The following RTEL1 variants were observed in gnomAD, a reference collection of about 807,000 sequenced individuals.
RTEL1 encodes the protein regulator of telomere length.
Under a neutral mutation model 162.2 loss-of-function variants are expected in RTEL1, and 86 were observed. That is an observed-to-expected ratio of 0.53 (90% CI 0.45 to 0.63). RTEL1 has a LOEUF of 0.63. Among genes scored for constraint, RTEL1 ranks in the 30% least tolerant of loss-of-function variants. The pLI is 0.00. For synonymous variants in RTEL1, 958 were observed against 717.9 expected (o/e 1.33, Z -5.35); for missense variants, 1,941 against 1,750.2 (o/e 1.11, Z -1.95).
intron 4 of RTEL1, 199 bp from the exon 5 acceptor site, chr20:63,662,347 A>G (rs2146152585): frequency 9.9e-7 from 1 of 1,013,020 alleles, no homozygotes. Flanking sequence ...GGTGCTGTGG[A>G]AGCTGTCGAA....
chr20:63,669,587 C>T (rs6011014), intron 8 of RTEL1, among the ~76,000 whole-genome samples: 15,452 of 149,642 alleles, frequency 0.1, 1,048 homozygotes, highest in African/African-American at 0.19. Flanking sequence ...TAAAATTCTC[C>T]CATAACTAAG....
chr20:63,661,764 C>T lies in RTEL1; in HGVS notation c.302-86C>T. On this transcript the variant is annotated intron_variant, in intron 3 of 34. Coordinates refer to ENST00000360203, the MANE Select transcript of RTEL1 (RefSeq NM_001283009.2). The surrounding 1 kb of genome is among the most constrained non-coding windows in gnomAD (Gnocchi z 5.1). The stretch of plus-strand genomic sequence containing the variant: ...GTCAGATTCTTGGCTGTCTGCAGGG[C>T]CGAGTTAGCCGAATGCCACCTGCCT... 2 of 1,216,420 alleles carry T rather than the reference C, an allele frequency of 1.6e-6. No homozygotes were observed. The highest frequency in any genetic ancestry group is 2.3e-5 in the East Asian group (1 of 42,560). The allele number at this position is 1,216,420 out of a possible 1,614,324, so 75.4% of individuals were successfully genotyped here.
chr20:63,664,530 G>T (rs1463336759), intron 6 of RTEL1, among the ~76,000 whole-genome samples: 1 of 152,142 alleles, frequency 6.6e-6, no homozygotes, highest in Non-Finnish European at 1.5e-5. Flanking sequence ...TGGGTATTGG[G>T]GCCCCCATCT....
In RTEL1 at chr20:63,695,882, A is replaced by C. The variant is rs1601202003; in HGVS notation, c.*24A>C. On this transcript the variant is annotated 3_prime_UTR_variant, in exon 35 of 35. Coordinates refer to ENST00000360203, the MANE Select transcript of RTEL1 (RefSeq NM_001283009.2). Reference sequence around the variant, plus strand: ...GAGTGCCCACGGAGGCCCCCAGCACACCCAACGTGGCTTGATCACCTGCCT... The same window carrying C: ...GAGTGCCCACGGAGGCCCCCAGCACCCCCAACGTGGCTTGATCACCTGCCT... 1 of 1,557,754 alleles carries C rather than the reference A, an allele frequency of 6.4e-7. No homozygotes were observed. Among genetic ancestry groups the C allele is most frequent in the Non-Finnish European group, 8.7e-7 (1 of 1,151,894 alleles).
chr20:63,688,644 C>T (rs374179444), intron 21 of RTEL1, 39 bp downstream of exon 21: 277 of 1,560,196 alleles, frequency 1.8e-4, no homozygotes, highest in Non-Finnish European at 2.3e-4. Context: ...GCTGCCCCCT[C>T]GTGCCTCCCC....
chr20:63,696,040 C>T lies in RTEL1; in HGVS notation c.*182C>T, dbSNP rs898874702. 1 of 619,452 alleles carries T rather than the reference C, an allele frequency of 1.6e-6. No individual in the cohort carries two copies. The allele number at this position is 619,452 out of a possible 1,614,324, so 38.4% of individuals were successfully genotyped here. ...GCGGTGGGACCGGATCTGGGCCTGC[C>T]TCTGAGAAGCCCTGAGCTACCTTGG... On this transcript the variant is annotated 3_prime_UTR_variant, in exon 35 of 35. Coordinates refer to ENST00000360203, the MANE Select transcript of RTEL1 (RefSeq NM_001283009.2).
At chr20:63,693,355 T>G in intron 30 of RTEL1, 72 bp downstream of exon 30, 8 of 1,579,604 alleles carry the variant, frequency 5.1e-6, no homozygotes, top group Admixed American at 3.4e-5. Flanking sequence ...CCTGGGCTGC[T>G]TGGGGTGGGC....
In RTEL1 at chr20:63,678,226, T is replaced by G. The variant is rs369490459; in HGVS notation, c.959-42T>G. 67 of 1,612,748 alleles carry G rather than the reference T, an allele frequency of 4.2e-5. No individual in the cohort carries two copies. In the African/African-American group the frequency reaches 4.7e-4, roughly 11 times the overall value. On this transcript the variant is annotated intron_variant, in intron 11 of 34. Coordinates refer to ENST00000360203, the MANE Select transcript of RTEL1 (RefSeq NM_001283009.2). ...CGCCTCCTTGCAGCTGGGTGGGGCC[T>G]CCTCCTTGCGAGGAGGTGGGTGACA...
At position 63,673,934 on chromosome 20, in the gene RTEL1, C is replaced by A; in HGVS notation, c.766-6C>A. The A allele has an allele frequency of 6.2e-7, 1 of 1,607,526 alleles. No homozygotes were observed. Among genetic ancestry groups the A allele is most frequent in the Non-Finnish European group, 8.5e-7 (1 of 1,175,816 alleles). ...CTGTGGTGATTCGGGTGTGCTTGGG[C>A]TCTAGGAGAAGATGTGTGAAGAATC... On this transcript the variant is annotated splice_region_variant and splice_polypyrimidine_tract_variant and intron_variant, in intron 9 of 34. Transcript: ENST00000360203.
chr20:63,684,967 T>A (rs1429155625), intron 14 of RTEL1, among the ~76,000 whole-genome samples: 1 of 151,384 alleles, frequency 6.6e-6, no homozygotes, highest in Non-Finnish European at 1.5e-5. Flanking sequence ...AGCCTCAACC[T>A]CCTGGGCTCA....
At position 63,695,984 on chromosome 20, in the gene RTEL1, C is replaced by T. The variant is rs1189640709; in HGVS notation, c.*126C>T. 3 of 948,508 alleles carry T rather than the reference C, an allele frequency of 3.2e-6. No homozygotes were observed. Among genetic ancestry groups the T allele is most frequent in the East Asian group, 2.6e-5 (1 of 37,776 alleles). 58.8% of individuals were successfully genotyped at this position (948,508 alleles called of 1,614,324 possible). On this transcript the variant is annotated 3_prime_UTR_variant, in exon 35 of 35. Transcript: ENST00000360203. ...CCAGCCGGCTTGGCCCGCTGCAGGC[C>T]TCAGGCAGGCGGGGCCCATGGTTGG... is the stretch of plus-strand genomic sequence containing the variant.
chr20:63,668,305 C>A lies in RTEL1; in HGVS notation c.699+752C>A, dbSNP rs1393851576. ...GATGGCGTGGTGACGTTTCCAGATC[C>A]CGTCGTTGGTTCGCTCATTCTCGGG... On this transcript the variant is annotated intron_variant, in intron 8 of 34. Transcript: ENST00000360203. The surrounding 1 kb of genome is among the most constrained non-coding windows in gnomAD (Gnocchi z 4.3). 6.6e-6 allele frequency among the ~76,000 whole-genome samples: 1 copy of A among 152,146 alleles called. No homozygotes were observed. The highest frequency in any genetic ancestry group is 1.5e-5 in the Non-Finnish European group (1 of 68,030).
chr20:63,687,606 C>T (rs778482723), intron 16 of RTEL1, 32 bp from the exon 17 acceptor site: 25 of 1,580,232 alleles, frequency 1.6e-5, no homozygotes, highest in Non-Finnish European at 2.1e-5. Context: ...CGTCCTCACA[C>T]TCTGTGCCCT....
chr20:63,673,988 C>G lies in RTEL1; in HGVS notation c.814C>G (p.Leu272Val). 6.2e-7 allele frequency: 1 copy of G among 1,614,092 alleles called. No individual in the cohort carries two copies. Among genetic ancestry groups the G allele is most frequent in the Non-Finnish European group, 8.5e-7 (1 of 1,179,980 alleles). The change falls in exon 10 of 35, where the codon CTG (leucine) becomes GTG (valine). Residue 272 changes from leucine (L) to valine (V), a missense_variant. Transcript: ENST00000360203. ...SASFDLTPHD[L>V]ASGLDVIDQV... Reference sequence around the variant, plus strand: ...ATCCTTTGACCTGACTCCCCATGACCTGGCTTCAGGACTGGACGTCATAGA... The same window carrying G: ...ATCCTTTGACCTGACTCCCCATGACGTGGCTTCAGGACTGGACGTCATAGA...
rs1213882044 is a variant in RTEL1 at position 63,672,330 on chromosome 20, C to T, written c.700-226C>T. Among the ~76,000 whole-genome samples the T allele has an allele frequency of 3.3e-5, 5 of 152,194 alleles. No individual in the cohort carries two copies. In the South Asian group the frequency reaches 1.0e-3, roughly 31 times the overall value. On this transcript the variant is annotated intron_variant, in intron 8 of 34. Transcript: ENST00000360203. ...TGGCCGTCTGTCTTGCTGAGCGTGG[C>T]ACGTGCCTTTCCATGCTGTGGAGGA...
rs1165317383 is a variant in RTEL1, at chr20:63,668,844, A to AGAACAGAGCT, written c.699+1293_699+1302dup. On this transcript the variant is annotated intron_variant, in intron 8 of 34. Coordinates refer to ENST00000360203, the MANE Select transcript of RTEL1 (RefSeq NM_001283009.2). This position sits in a 1 kb window ranked among gnomAD's most constrained non-coding sequence, Gnocchi z 4.3. ...TAAAACAGCAAGATGACCGTGAAGA[A>AGAACAGAGCT]GAACAGAGCTGGAGGACTCACCTCG... Among the ~76,000 whole-genome samples, 1 of 152,230 alleles carries AGAACAGAGCT rather than the reference A, an allele frequency of 6.6e-6. No individual in the cohort carries two copies. The highest frequency in any genetic ancestry group is 1.5e-5 in the Non-Finnish European group (1 of 68,042).
chr20:63,692,546 G>A (rs2090774741), intron 28 of RTEL1: 2 of 550,598 alleles, frequency 3.6e-6, no homozygotes, highest in Non-Finnish European at 6.5e-6. Context: ...TTGAGGCAGA[G>A]CCAATCTACC....
chr20:63,680,544 C>G, intron 13 of RTEL1, 120 bp from the exon 14 acceptor site: 2 of 1,050,564 alleles, frequency 1.9e-6, no homozygotes, highest in Non-Finnish European at 2.9e-6. Context: ...CTGGGCCCCC[C>G]ATTGGGCAGG....
In RTEL1 at chr20:63,694,268, TG is replaced by T; in HGVS notation, c.2993-103del. Reference sequence around the variant, plus strand: ...CTGCCTGGGTTTTCCCGCCCTGGTCTGAGGTGGGTGAGGCCTGGCCTCCCTA... The same window carrying T: ...CTGCCTGGGTTTTCCCGCCCTGGTCTAGGTGGGTGAGGCCTGGCCTCCCTA... On this transcript the variant is annotated intron_variant, in intron 30 of 34. Coordinates refer to ENST00000360203, the MANE Select transcript of RTEL1 (RefSeq NM_001283009.2). 3.0e-6 allele frequency: 3 copies of T among 996,542 alleles called. No homozygotes were observed. In the South Asian group the frequency reaches 4.0e-5, roughly 13 times the overall value. 61.7% of individuals were successfully genotyped at this position (996,542 alleles called of 1,614,324 possible).
Sources: gnomAD v4.1 joint callset for allele counts (sites outside exome capture counted in the v4.1 genomes callset) on GRCh38, gnomAD v4.1.1 for gene constraint, Gnocchi (gnomAD v3.1) non-coding constraint, MANE v1.5 for transcripts, NCBI Gene and HGNC (gene_info 2026-07-23, HGNC 2026-07-21) for gene names.